AGBL1: variants seen among roughly 807,000 people sequenced by gnomAD.
The protein encoded by AGBL1 is cytosolic carboxypeptidase 4.
A neutral mutation model predicts 118.9 loss-of-function variants in AGBL1; 130 were observed. The ratio of observed to expected loss-of-function variants is 1.09; its 90% CI spans 0.95 to 1.26. The LOEUF (loss-of-function observed/expected upper bound fraction) is 1.26, where lower values mean the gene tolerates loss of function less well. Among genes scored for constraint, AGBL1 ranks in the 50% most tolerant of loss-of-function variants. AGBL1 has a pLI of 0.00. For missense variants in AGBL1, 1,584 were observed against 1,298.1 expected (o/e 1.22, Z -3.38); for synonymous variants, 555 against 478.9 (o/e 1.16, Z -2.08).
intron 22 of AGBL1, among the ~76,000 whole-genome samples, chr15:86,861,944 G>A (rs938288705): frequency 3.9e-5 from 6 of 152,206 alleles, no homozygotes; most frequent in African/African-American, 1.4e-4. Context: ...GATGAGCATT[G>A]TCCTAGGTGC....
At chr15:86,561,952 G>A (rs1467178337) in intron 21 of AGBL1, among the ~76,000 whole-genome samples, 2 of 152,094 alleles carry the variant, frequency 1.3e-5, no homozygotes, top group African/African-American at 4.8e-5. Context: ...TTGGCTCTCT[G>A]TTTGTCTGTT....
At chr15:86,249,913 T>C (rs2141997555) in intron 7 of AGBL1, among the ~76,000 whole-genome samples, 1 of 152,288 alleles carries the variant, frequency 6.6e-6, no homozygotes, top group African/African-American at 2.4e-5. Context: ...AACAGTTCCT[T>C]ATCAGGTCAG....
At chr15:86,536,912 C>T (rs1163371959) in intron 19 of AGBL1, among the ~76,000 whole-genome samples, 3 of 152,154 alleles carry the variant, frequency 2.0e-5, no homozygotes, top group Non-Finnish European at 4.4e-5. Context: ...GATGAAGACA[C>T]GGAAGAGACT....
At chr15:86,540,212 G>A (rs1045449668) in intron 19 of AGBL1, among the ~76,000 whole-genome samples, 3 of 152,148 alleles carry the variant, frequency 2.0e-5, no homozygotes, top group Non-Finnish European at 2.9e-5. Context: ...ACGGAGAGCA[G>A]TGCTGTGTTA....
At chr15:86,773,868 T>C (rs1311841090) in intron 22 of AGBL1, among the ~76,000 whole-genome samples, 2 of 152,170 alleles carry the variant, frequency 1.3e-5, no homozygotes, top group Non-Finnish European at 1.5e-5. Flanking sequence ...GAATGAAATA[T>C]ACCAGCTCCA....
chr15:86,700,735 A>C (rs1444933484), intron 22 of AGBL1, among the ~76,000 whole-genome samples: 1 of 152,060 alleles, frequency 6.6e-6, no homozygotes, highest in East Asian at 1.9e-4. Flanking sequence ...AAGTAATCCT[A>C]ACTTTTCTTT....
intron 22 of AGBL1, among the ~76,000 whole-genome samples, chr15:86,892,959 C>T (rs2080071854): frequency 6.6e-6 from 1 of 152,084 alleles, no homozygotes; most frequent in Admixed American, 6.6e-5. Context: ...GCTGCTCGTG[C>T]CTCTTAGATG....
At chr15:86,624,306 C>T (rs547076912) in intron 21 of AGBL1, among the ~76,000 whole-genome samples, 102 of 152,272 alleles carry the variant, frequency 6.7e-4, no homozygotes, top group Admixed American at 3.3e-4. Context: ...ATTGATAGAT[C>T]AAATGTAATA....
At chr15:86,884,615 C>A (rs2079943376) in intron 22 of AGBL1, among the ~76,000 whole-genome samples, 1 of 152,172 alleles carries the variant, frequency 6.6e-6, no homozygotes, top group African/African-American at 2.4e-5. Context: ...AGTTGGAGAC[C>A]AGCCTGGACA....
intron 21 of AGBL1, among the ~76,000 whole-genome samples, chr15:86,570,297 A>C (rs1209269096): frequency 1.3e-5 from 2 of 152,248 alleles, no homozygotes; most frequent in Non-Finnish European, 2.9e-5. Context: ...GGCTCTTGAC[A>C]CCATCGTGAG....
At chr15:86,944,959 G>T (rs915843911) in intron 23 of AGBL1, among the ~76,000 whole-genome samples, 2 of 152,062 alleles carry the variant, frequency 1.3e-5, no homozygotes, top group Non-Finnish European at 2.9e-5. Context: ...CAGAATGTAT[G>T]GTCATCGTGT....
Position 86,258,015 on chromosome 15 carries a change from A to G in AGBL1, c.953A>G (p.Glu318Gly). 6.2e-7 allele frequency: 1 copy of G among 1,613,724 alleles called. No homozygotes were observed. The highest frequency in any genetic ancestry group is 1.1e-5 in the South Asian group (1 of 91,050). The change falls in exon 9 of 23, where the codon GAA becomes GGA. Residue 318 changes from glutamate to glycine, a missense_variant. Transcript: ENST00000614907. ...DDEVDKDSDT[E>G]DGKVEDDDLE... ...GAAGTGGACAAAGACTCTGATACTG[A>G]AGATGGGAAAGTGGAAGTAGGTACA...
intron 21 of AGBL1, among the ~76,000 whole-genome samples, chr15:86,631,712 A>C (rs558213340): frequency 6.6e-6 from 1 of 152,278 alleles, no homozygotes; most frequent in African/African-American, 2.4e-5. Flanking sequence ...GAGATGCAGA[A>C]GAAGGCTGTT....
chr15:86,654,080 G>A (rs2085422941), intron 21 of AGBL1, among the ~76,000 whole-genome samples: 1 of 152,088 alleles, frequency 6.6e-6, no homozygotes. Context: ...TGACTGCAGA[G>A]TTTCACTGAT....
At chr15:86,574,806 G>T (rs1013669903) in intron 21 of AGBL1, among the ~76,000 whole-genome samples, 5 of 151,546 alleles carry the variant, frequency 3.3e-5, no homozygotes, top group African/African-American at 1.2e-4. Context: ...TCGAACTCCT[G>T]ACCTCAAGTG....
At chr15:86,540,646 A>G (rs2083482043) in intron 19 of AGBL1, among the ~76,000 whole-genome samples, 2 of 152,174 alleles carry the variant, frequency 1.3e-5, no homozygotes, top group Admixed American at 6.5e-5. Context: ...GTTTCTGCTT[A>G]CCTGTTAAAG....
chr15:86,399,123 C>G (rs970651969), intron 18 of AGBL1, among the ~76,000 whole-genome samples: 16 of 152,116 alleles, frequency 1.1e-4, no homozygotes, highest in Admixed American at 7.9e-4. Flanking sequence ...AAGTTCTTCA[C>G]TAAGAAACTC....
chr15:86,799,668 T>G (rs1161355905), intron 22 of AGBL1, among the ~76,000 whole-genome samples: 1 of 152,072 alleles, frequency 6.6e-6, no homozygotes, highest in East Asian at 1.9e-4. Flanking sequence ...TAATTTGAAT[T>G]TCACTTCTAT....
chr15:86,305,570 A>G (rs1269540203), intron 17 of AGBL1, among the ~76,000 whole-genome samples: 1 of 152,202 alleles, frequency 6.6e-6, no homozygotes, highest in African/African-American at 2.4e-5. Context: ...TTAAAAAACT[A>G]AAAAGTGTCA....
Sources: allele counts gnomAD v4.1 joint callset (sites outside exome capture counted in the v4.1 genomes callset), GRCh38; gene constraint gnomAD v4.1.1; transcripts MANE v1.5; gene names NCBI Gene and HGNC (gene_info 2026-07-23, HGNC 2026-07-21).